Variants in COL19A1 observed in about 807,000 individuals in gnomAD.
COL19A1 encodes collagen type XIX alpha 1 chain.
In COL19A1, 159 loss-of-function variants were observed where a neutral mutation model predicts 190.2. The ratio of observed to expected loss-of-function variants is 0.84; its 90% CI spans 0.73 to 0.95. COL19A1 has a LOEUF of 0.95. COL19A1 is among the 40% of genes least tolerant of loss of function. The pLI, the probability that COL19A1 is intolerant of heterozygous loss-of-function variation, is 0.00. For synonymous variants in COL19A1, 509 were observed against 458.9 expected (o/e 1.11, Z -1.39); for missense variants, 1,418 against 1,431.9 (o/e 0.99, Z 0.16).
chr6:69,992,320 T>C (rs958875486), intron 11 of COL19A1, among the ~76,000 whole-genome samples: 32 of 152,120 alleles, frequency 2.1e-4, no homozygotes, highest in Admixed American at 1.2e-3. Flanking sequence ...GGAAGTGTGA[T>C]GCCTCCAACT....
intron 25 of COL19A1, among the ~76,000 whole-genome samples, chr6:70,146,186 A>G (rs1254741927): frequency 6.6e-6 from 1 of 152,094 alleles, no homozygotes; most frequent in African/African-American, 2.4e-5. Flanking sequence ...TGGTTTTAAA[A>G]CATAAACGTT....
chr6:69,914,109 C>A (rs999730971), intron 4 of COL19A1, among the ~76,000 whole-genome samples: 3 of 152,128 alleles, frequency 2.0e-5, no homozygotes, highest in African/African-American at 7.2e-5. Flanking sequence ...AATGGGAAGT[C>A]GTTTACAATG....
At chr6:69,976,276 A>G (rs59599861) in intron 11 of COL19A1, among the ~76,000 whole-genome samples, 33,505 of 152,126 alleles carry the variant, frequency 0.22, 6,250 homozygotes, top group African/African-American at 0.5. Flanking sequence ...TCTAGAATTA[A>G]TGAATTAAAA....
chr6:70,180,582 C>G, intron 44 of COL19A1, 59 bp downstream of exon 44: 1 of 1,527,556 alleles, frequency 6.5e-7, no homozygotes, highest in Non-Finnish European at 9.1e-7. Flanking sequence ...ACATTATCTC[C>G]TCATCTACCA....
At chr6:70,097,777 G>A (rs548459783) in intron 15 of COL19A1, among the ~76,000 whole-genome samples, 3 of 152,102 alleles carry the variant, frequency 2.0e-5, no homozygotes, top group Non-Finnish European at 4.4e-5. Flanking sequence ...TGTTGGATTA[G>A]CCCAGTTATA....
intron 47 of COL19A1, among the ~76,000 whole-genome samples, chr6:70,188,884 G>A (rs1427243000): frequency 6.6e-6 from 1 of 152,168 alleles, no homozygotes; most frequent in Non-Finnish European, 1.5e-5. Context: ...GGCAGTTAAA[G>A]ACACATTCTC....
At chr6:69,947,310 A>C (rs956411718) in intron 9 of COL19A1, among the ~76,000 whole-genome samples, 2 of 151,888 alleles carry the variant, frequency 1.3e-5, no homozygotes, top group African/African-American at 4.8e-5. Context: ...AGCTCATAAA[A>C]TGATTGATTT....
chr6:69,919,961 C>G (rs566759465), intron 4 of COL19A1, among the ~76,000 whole-genome samples: 1 of 151,946 alleles, frequency 6.6e-6, no homozygotes, highest in East Asian at 1.9e-4. Context: ...GCAGTATGTG[C>G]CAATTCTCCC....
intron 15 of COL19A1, among the ~76,000 whole-genome samples, chr6:70,095,496 C>A (rs1783195758): frequency 6.6e-6 from 1 of 152,056 alleles, no homozygotes. Flanking sequence ...ATGTACTGGA[C>A]ATTTTGGTAA....
At chr6:69,889,556 T>G (rs970719315) in intron 2 of COL19A1, among the ~76,000 whole-genome samples, 10 of 152,170 alleles carry the variant, frequency 6.6e-5, no homozygotes, top group Non-Finnish European at 1.3e-4. Flanking sequence ...GCGCTCTATG[T>G]CTAGCTAAAG....
chr6:69,925,583 C>T (rs1283035493), intron 4 of COL19A1, among the ~76,000 whole-genome samples: 31 of 151,930 alleles, frequency 2.0e-4, no homozygotes, highest in Admixed American at 2.0e-3. Context: ...TTTTTTGGTT[C>T]CATATGAACT....
At chr6:70,001,653 A>T (rs1413734168) in intron 11 of COL19A1, among the ~76,000 whole-genome samples, 1 of 152,070 alleles carries the variant, frequency 6.6e-6, no homozygotes, top group Non-Finnish European at 1.5e-5. Flanking sequence ...TTAATTCATG[A>T]TTTGGCTCTC....
intron 49 of COL19A1, among the ~76,000 whole-genome samples, chr6:70,200,837 G>T (rs578002899): frequency 1.3e-5 from 2 of 152,164 alleles, no homozygotes; most frequent in East Asian, 3.9e-4. Flanking sequence ...GACCATGATT[G>T]CCAAGTCTTT....
intron 15 of COL19A1, among the ~76,000 whole-genome samples, chr6:70,079,892 C>A (rs1374524844): frequency 6.6e-6 from 1 of 152,024 alleles, no homozygotes; most frequent in Non-Finnish European, 1.5e-5. Flanking sequence ...TGTGAATACT[C>A]AACTACGATT....
intron 14 of COL19A1, among the ~76,000 whole-genome samples, chr6:70,065,262 A>G (rs1026320744): frequency 6.6e-6 from 1 of 152,200 alleles, no homozygotes; most frequent in Non-Finnish European, 1.5e-5. Context: ...AAACAGAGAT[A>G]TAGACCAACG....
chr6:70,158,256 T>C (rs1362129802), intron 34 of COL19A1, among the ~76,000 whole-genome samples: 2 of 152,078 alleles, frequency 1.3e-5, no homozygotes, highest in Non-Finnish European at 2.9e-5. Flanking sequence ...GTCTCAGATA[T>C]TATTTGAAAT....
At chr6:70,117,306 A>G (rs1784634583) in intron 16 of COL19A1, among the ~76,000 whole-genome samples, 1 of 152,202 alleles carries the variant, frequency 6.6e-6, no homozygotes, top group South Asian at 2.1e-4. Context: ...ACTAAGGACT[A>G]TGGTTTTTAA....
At chr6:70,058,522 G>A (rs183825038) in intron 14 of COL19A1, among the ~76,000 whole-genome samples, 11 of 152,112 alleles carry the variant, frequency 7.2e-5, no homozygotes, top group African/African-American at 1.9e-4. Context: ...TGGAAGAGAC[G>A]CTAGTGTTCC....
intron 2 of COL19A1, among the ~76,000 whole-genome samples, chr6:69,894,236 T>C (rs557160970): frequency 1.3e-5 from 2 of 152,366 alleles, no homozygotes; most frequent in South Asian, 2.1e-4. Flanking sequence ...ATTCCTAGCA[T>C]CTTTAACTTT....
Sources: gnomAD v4.1 joint callset for allele counts (sites outside exome capture counted in the v4.1 genomes callset) on GRCh38, gnomAD v4.1.1 for gene constraint, MANE v1.5 for transcripts, NCBI Gene and HGNC (gene_info 2026-07-23, HGNC 2026-07-21) for gene names.